The following MBNL2 variants were observed in gnomAD, a reference collection of about 807,000 sequenced individuals.
The protein encoded by MBNL2 is muscleblind like splicing regulator 2, also known as muscleblind-like protein 2.
In MBNL2, 17 loss-of-function variants were observed where a neutral mutation model predicts 41.9. The ratio of observed to expected loss-of-function variants is 0.41; its 90% CI spans 0.28 to 0.61. The LOEUF (loss-of-function observed/expected upper bound fraction) is 0.61. Ranked by LOEUF, MBNL2 falls within the 20% of genes least tolerant of loss-of-function variation. The pLI is 0.35. For synonymous variants in MBNL2, 195 were observed against 182.9 expected, an observed-to-expected ratio of 1.07 and a Z score of -0.53; for missense variants, 336 against 505.6, an observed-to-expected ratio of 0.66 and a Z score of 3.22.
intron 1 of MBNL2, among the ~76,000 whole-genome samples, chr13:97,252,876 T>C (rs1032162014): frequency 1.3e-5 from 2 of 152,226 alleles, no homozygotes; most frequent in Non-Finnish European, 2.9e-5. Context: ...CTGTTACATG[T>C]TAATGCATTG....
the MBNL2 span, among the ~76,000 whole-genome samples, chr13:97,158,836 T>C: frequency 6.6e-6 from 1 of 152,182 alleles, no homozygotes; most frequent in African/African-American, 2.4e-5. Context: ...AAGTTTGGAA[T>C]AGGTGTGGTG....
chr13:97,268,580 A>G lies in MBNL2; in HGVS notation c.-604-7052A>G, dbSNP rs752294893. ...GGGTAAGCCAGTGGCATCTGCTGGA[A>G]TTTTCCTACAGATAATACTGGAATT... On this transcript the variant is annotated intron_variant, in intron 1 of 8. Coordinates refer to ENST00000679496, the MANE Select transcript of MBNL2 (RefSeq NM_001382683.1). This position sits in a 1 kb window ranked among gnomAD's most constrained non-coding sequence, Gnocchi z 4.6. 2.0e-5 allele frequency among the ~76,000 whole-genome samples: 3 copies of G among 152,142 alleles called. No individual in the cohort carries two copies. The highest frequency in any genetic ancestry group is 1.3e-4 in the Admixed American group (2 of 15,272).
chr13:97,355,555 G>C (rs761115252), intron 5 of MBNL2, among the ~76,000 whole-genome samples: 50 of 151,912 alleles, frequency 3.3e-4, no homozygotes, highest in Non-Finnish European at 6.2e-4. Flanking sequence ...ATTTGCATTG[G>C]AGCAATTCCT....
At chr13:97,387,443 C>A (rs1319169887) in intron 8 of MBNL2, among the ~76,000 whole-genome samples, 1 of 152,152 alleles carries the variant, frequency 6.6e-6, no homozygotes, top group Admixed American at 6.5e-5. Flanking sequence ...CCATCTAGCC[C>A]CTCCAAACAG....
At chr13:97,207,848 A>G in the MBNL2 span, among the ~76,000 whole-genome samples, 1 of 152,252 alleles carries the variant, frequency 6.6e-6, no homozygotes, top group Non-Finnish European at 1.5e-5. Context: ...CAGGTTAGTT[A>G]CTTCCTAGAT....
chr13:97,332,643 T>C (rs1032637380), intron 2 of MBNL2, among the ~76,000 whole-genome samples: 2 of 152,210 alleles, frequency 1.3e-5, no homozygotes, highest in Non-Finnish European at 2.9e-5. Context: ...TATACTACTT[T>C]GATTTAGATT....
At chr13:97,299,729 T>C (rs2057430016) in intron 2 of MBNL2, among the ~76,000 whole-genome samples, 1 of 152,108 alleles carries the variant, frequency 6.6e-6, no homozygotes, top group Non-Finnish European at 1.5e-5. Context: ...TGAAAAAATC[T>C]TCAAAACGTA....
the MBNL2 span, among the ~76,000 whole-genome samples, chr13:97,174,012 T>G: frequency 2.6e-5 from 4 of 152,214 alleles, no homozygotes; most frequent in Admixed American, 6.5e-5. Flanking sequence ...TATAAGTTCT[T>G]TAAAGGCAAG....
intron 2 of MBNL2, among the ~76,000 whole-genome samples, chr13:97,281,305 T>C (rs1304086835): frequency 6.6e-6 from 1 of 152,222 alleles, no homozygotes; most frequent in African/African-American, 2.4e-5. Context: ...TGTACAGACA[T>C]GTGCTATTGC....
At chr13:97,318,139 T>C (rs939424550) in intron 2 of MBNL2, among the ~76,000 whole-genome samples, 2 of 152,232 alleles carry the variant, frequency 1.3e-5, no homozygotes, top group African/African-American at 2.4e-5. Flanking sequence ...TTTCCACATC[T>C]GCAAAATGGG....
chr13:97,390,876 T>G (rs1448187943), intron 8 of MBNL2, among the ~76,000 whole-genome samples: 1 of 152,154 alleles, frequency 6.6e-6, no homozygotes, highest in African/African-American at 2.4e-5. Flanking sequence ...TAATATCTGA[T>G]TATTATAGAT....
intron 2 of MBNL2, among the ~76,000 whole-genome samples, chr13:97,303,476 A>G (rs1199758894): frequency 6.6e-6 from 1 of 152,206 alleles, no homozygotes; most frequent in Non-Finnish European, 1.5e-5. Context: ...ATCAAAATGG[A>G]GAAGGCATAG....
intron 1 of MBNL2, among the ~76,000 whole-genome samples, chr13:97,224,319 T>C (rs1050548926): frequency 1.3e-5 from 2 of 152,090 alleles, no homozygotes; most frequent in African/African-American, 4.8e-5. Context: ...AATCATCATG[T>C]CCTAGCACAG....
chr13:97,347,163 T>C, intron 5 of MBNL2, 96 bp downstream of exon 5: 1 of 947,196 alleles, frequency 1.1e-6, no homozygotes, highest in Non-Finnish European at 1.5e-6. Flanking sequence ...TCGGGAAACA[T>C]GGAAGGCTGC....
intron 2 of MBNL2, among the ~76,000 whole-genome samples, chr13:97,315,473 A>G (rs1233436061): frequency 1.3e-5 from 2 of 152,200 alleles, no homozygotes; most frequent in African/African-American, 2.4e-5. Flanking sequence ...TCTGACATCA[A>G]TACTGATATT....
At chr13:97,355,668 A>G (rs1052944007) in intron 5 of MBNL2, among the ~76,000 whole-genome samples, 1 of 152,148 alleles carries the variant, frequency 6.6e-6, no homozygotes, top group Non-Finnish European at 1.5e-5. Context: ...GTCTAAATCA[A>G]TCCATATTTG....
At chr13:97,347,198 G>C (rs1350384863) in intron 5 of MBNL2, 131 bp downstream of exon 5, 5 of 711,250 alleles carry the variant, frequency 7.0e-6, no homozygotes, top group Non-Finnish European at 8.8e-6. Context: ...CGCTGCCTAA[G>C]TTTTGCTGTT....
the MBNL2 span, among the ~76,000 whole-genome samples, chr13:97,166,837 T>TAGATAGATAGAAAGAA: frequency 7.2e-3 from 1,030 of 143,408 alleles, 5 homozygotes; most frequent in African/African-American, 0.013. Context: ...GATAGATAGA[T>TAGATAGATAGAAAGAA]AGAAAGATAG....
At chr13:97,212,161 G>A in the MBNL2 span, among the ~76,000 whole-genome samples, 2 of 152,142 alleles carry the variant, frequency 1.3e-5, no homozygotes, top group Non-Finnish European at 2.9e-5. Flanking sequence ...GAAACAAGGG[G>A]TGGGACTCAG....
Sources: gnomAD v4.1 joint callset for allele counts (sites outside exome capture counted in the v4.1 genomes callset) on GRCh38, gnomAD v4.1.1 for gene constraint, Gnocchi (gnomAD v3.1) non-coding constraint, MANE v1.5 for transcripts, NCBI Gene and HGNC (gene_info 2026-07-23, HGNC 2026-07-21) for gene names.